Variants in ZNF385D observed in about 807,000 individuals in gnomAD.
ZNF385D encodes the protein zinc finger protein 659.
A neutral mutation model predicts 35.8 loss-of-function variants in ZNF385D; 15 were observed. The ratio of observed to expected loss-of-function variants is 0.42; its 90% confidence interval spans 0.28 to 0.64. ZNF385D has a LOEUF of 0.64. Ranked by LOEUF, ZNF385D falls within the 30% of genes least tolerant of loss-of-function variation. The probability of loss-of-function intolerance (pLI) is 0.23; values close to 1 mark genes in which losing one functional copy is unlikely to be tolerated. For missense variants in ZNF385D, 474 were observed against 494.6 expected (o/e 0.96, Z 0.39); for synonymous variants, 212 against 186.8 (o/e 1.13, Z -1.10).
At chr3:22,070,608 G>A (rs1576263513) in intron 3 of ZNF385D, among the ~76,000 whole-genome samples, 2 of 152,134 alleles carry the variant, frequency 1.3e-5, no homozygotes, top group African/African-American at 4.8e-5. Context: ...ACAAACATCT[G>A]TTCTAGTCAT....
chr3:21,627,332 A>G (rs1301519859), intron 2 of ZNF385D, among the ~76,000 whole-genome samples: 2 of 150,930 alleles, frequency 1.3e-5, no homozygotes, highest in Non-Finnish European at 2.9e-5. Flanking sequence ...CTATGGGACA[A>G]CTAATGAGAA....
intron 2 of ZNF385D, among the ~76,000 whole-genome samples, chr3:22,239,462 A>T (rs1030713382): frequency 6.6e-6 from 1 of 150,994 alleles, no homozygotes; most frequent in African/African-American, 2.5e-5. Flanking sequence ...CTTTACCAGA[A>T]TTCCTCTTTT....
In ZNF385D at chr3:21,419,092, ATTCT is replaced by A. The variant is rs1700630885; in HGVS notation, c.*2118_*2121del. On this transcript the variant is annotated 3_prime_UTR_variant, in exon 8 of 8. Coordinates refer to ENST00000281523, the MANE Select transcript of ZNF385D (RefSeq NM_024697.3). ...TTTAACCAGAGAAGCATGGTTTGAA[ATTCT>A]TTCTACCAGAATACTGATGGAACAC... 6.5e-6 allele frequency: 1 copy of A among 152,792 alleles called. No homozygotes were observed. 9.5% of individuals were successfully genotyped at this position (152,792 alleles called of 1,614,324 possible). A position where few individuals can be genotyped will look rare whatever the true frequency, so the allele number is the denominator to read the frequency against.
At chr3:22,128,371 T>C (rs1348575239) in intron 3 of ZNF385D, among the ~76,000 whole-genome samples, 2 of 152,170 alleles carry the variant, frequency 1.3e-5, no homozygotes, top group Non-Finnish European at 2.9e-5. Context: ...GGTACTCTTA[T>C]TTGGGTTAAA....
chr3:21,668,979 A>C (rs2066484286), intron 1 of ZNF385D, among the ~76,000 whole-genome samples: 1 of 152,208 alleles, frequency 6.6e-6, no homozygotes, highest in African/African-American at 2.4e-5. Flanking sequence ...TTTGTTCTTA[A>C]TGTTTACCAA....
intron 4 of ZNF385D, among the ~76,000 whole-genome samples, chr3:21,477,955 G>A (rs373366248): frequency 3.3e-5 from 5 of 152,090 alleles, no homozygotes; most frequent in South Asian, 2.1e-4. Flanking sequence ...TTACAACAAA[G>A]TGGGAAGGGG....
intron 4 of ZNF385D, among the ~76,000 whole-genome samples, chr3:21,479,676 GA>G (rs563813560): frequency 3.3e-5 from 5 of 152,066 alleles, no homozygotes; most frequent in Non-Finnish European, 7.4e-5. Flanking sequence ...AACATCATAA[GA>G]AGAACTTAAT....
chr3:21,414,708 G>A lies in ZNF385D; in HGVS notation c.*6506C>T, dbSNP rs1426234078. The A allele has an allele frequency of 6.6e-6, 1 of 152,086 alleles. No individual in the cohort carries two copies. Among genetic ancestry groups the A allele is most frequent in the Non-Finnish European group, 1.5e-5 (1 of 67,988 alleles). The allele number at this position is 152,086 out of a possible 1,614,324, so 9.4% of individuals were successfully genotyped here. A position where few individuals can be genotyped will look rare whatever the true frequency, so the allele number is the denominator to read the frequency against. ...ATGATTGGTAGTGAAGCCAACAACT[G>A]TGTTCACTGTTCTGTGATGCTCGAT... On this transcript the variant is annotated 3_prime_UTR_variant, in exon 8 of 8. Transcript: ENST00000281523.
chr3:22,300,846 A>G (rs562515392), intron 2 of ZNF385D, among the ~76,000 whole-genome samples: 1 of 152,202 alleles, frequency 6.6e-6, no homozygotes, highest in African/African-American at 2.4e-5. Context: ...GGGAATATAA[A>G]TTAGTATAGC....
At chr3:21,997,572 A>G (rs964909468) in intron 3 of ZNF385D, among the ~76,000 whole-genome samples, 6 of 151,620 alleles carry the variant, frequency 4.0e-5, no homozygotes, top group African/African-American at 1.2e-4. Context: ...AAAAAACAGT[A>G]TAATATGGAG....
chr3:21,804,207 T>G (rs2125691837), intron 3 of ZNF385D, among the ~76,000 whole-genome samples: 1 of 152,318 alleles, frequency 6.6e-6, no homozygotes, highest in East Asian at 1.9e-4. Context: ...TATGTGGTTG[T>G]TTTAGTAAAA....
chr3:21,912,486 A>T (rs146834246), intron 3 of ZNF385D, among the ~76,000 whole-genome samples: 1 of 152,152 alleles, frequency 6.6e-6, no homozygotes, highest in Non-Finnish European at 1.5e-5. Flanking sequence ...ATACACAGAT[A>T]AATCCGAATG....
At chr3:21,433,320 A>G (rs1191806008) in intron 5 of ZNF385D, among the ~76,000 whole-genome samples, 1 of 152,232 alleles carries the variant, frequency 6.6e-6, no homozygotes, top group Non-Finnish European at 1.5e-5. Flanking sequence ...GCACATTTCT[A>G]TACTTAATGC....
intron 2 of ZNF385D, among the ~76,000 whole-genome samples, chr3:22,190,322 C>T (rs867469499): frequency 1.4e-4 from 22 of 152,124 alleles, no homozygotes; most frequent in African/African-American, 5.1e-4. Flanking sequence ...AATTTTATTC[C>T]AACTGTGCCC....
intron 3 of ZNF385D, among the ~76,000 whole-genome samples, chr3:22,150,759 T>TA (rs1433538752): frequency 2.0e-5 from 3 of 152,144 alleles, no homozygotes; most frequent in African/African-American, 7.2e-5. Flanking sequence ...TTTAAACATA[T>TA]ATATATAATT....
chr3:22,114,680 G>A (rs924484854), intron 3 of ZNF385D, among the ~76,000 whole-genome samples: 2 of 152,082 alleles, frequency 1.3e-5, no homozygotes, highest in African/African-American at 4.8e-5. Flanking sequence ...GGTCAGGGGT[G>A]AAGATGCTGG....
rs550842314 is a variant in ZNF385D, at chr3:21,828,765, TGCACTGAATTCAACGTACTG to T, written c.326-163757_326-163738del. Reference sequence around the variant, plus strand: ...GTCAGAAGTCTGAAATTAGTTTTACTGCACTGAATTCAACGTACTGGCAAGGCTGGTTTTTCTGTAGGCTT... The same window carrying T: ...GTCAGAAGTCTGAAATTAGTTTTACTGCAAGGCTGGTTTTTCTGTAGGCTT... On this transcript the variant is annotated intron_variant, in intron 3 of 5. Transcript: ENST00000494108. Among the ~76,000 whole-genome samples, 910 of 152,350 alleles carry T rather than the reference TGCACTGAATTCAACGTACTG, an allele frequency of 6.0e-3. 4 individuals are homozygous for T. Among genetic ancestry groups the T allele is most frequent in the Middle Eastern group, 0.02 (6 of 294 alleles).
At chr3:22,304,391 T>C (rs1703088884) in intron 2 of ZNF385D, among the ~76,000 whole-genome samples, 1 of 152,214 alleles carries the variant, frequency 6.6e-6, no homozygotes, top group Non-Finnish European at 1.5e-5. Flanking sequence ...TTTTAGCAGA[T>C]ATTGACATGC....
intron 3 of ZNF385D, among the ~76,000 whole-genome samples, chr3:21,929,404 C>T (rs551289171): frequency 1.1e-4 from 17 of 152,122 alleles, no homozygotes; most frequent in African/African-American, 3.9e-4. Context: ...AGACTGGGAG[C>T]AAGGCATAGA....
Sources: gnomAD v4.1 joint callset for allele counts (sites outside exome capture counted in the v4.1 genomes callset) on GRCh38, gnomAD v4.1.1 for gene constraint, MANE v1.5 for transcripts, NCBI Gene and HGNC (gene_info 2026-07-23, HGNC 2026-07-21) for gene names.